The following HBP1 variants were observed in gnomAD, a reference collection of about 807,000 sequenced individuals.
HBP1 encodes the protein HMG box-containing protein 1.
Under a neutral mutation model 62.6 loss-of-function variants are expected in HBP1, and 20 were observed. That is an observed-to-expected ratio of 0.32 (90% confidence interval 0.22 to 0.46). The LOEUF is 0.46. Among genes scored for constraint, HBP1 ranks in the 20% least tolerant of loss-of-function variants. The probability of loss-of-function intolerance (pLI) is 1.00; values close to 1 mark genes in which losing one functional copy is unlikely to be tolerated. For missense variants in HBP1, 480 were observed against 611.8 expected, an observed-to-expected ratio of 0.78 and a Z score of 2.27; for synonymous variants, 232 against 206.2, an observed-to-expected ratio of 1.12 and a Z score of -1.07.
chr7:107,174,776 A>G (rs1796754042), intron 1 of HBP1: 1 of 861,370 alleles, frequency 1.2e-6, no homozygotes, highest in African/African-American at 1.8e-5. Flanking sequence ...CAGTTCAGAT[A>G]AGGTTGACTG....
chr7:107,174,341 G>C (rs946921504), intron 1 of HBP1: 2 of 436,778 alleles, frequency 4.6e-6, no homozygotes, highest in African/African-American at 4.3e-5. Context: ...TGAGAGGTGT[G>C]AACACATAGA....
At position 107,171,073 on chromosome 7, in the gene HBP1, A is replaced by ATTTTTTTT. The variant is rs60734729; in HGVS notation, c.-16+1896_-16+1903dup. Among the ~76,000 whole-genome samples, 337 of 87,190 alleles carry ATTTTTTTT rather than the reference A, an allele frequency of 3.9e-3. 69 individuals are homozygous for ATTTTTTTT. Among genetic ancestry groups the ATTTTTTTT allele is most frequent in the African/African-American group, 0.02 (307 of 15,114 alleles). The allele number at this position is 87,190 out of a possible 152,430, so 57.2% of individuals were successfully genotyped here. ...TATATATATATATATATATATATAT[A>ATTTTTTTT]TTTTTTTTTTTTTTTGAGAGGGAGT... On this transcript the variant is annotated intron_variant, in intron 1 of 10. Transcript: ENST00000222574.
At chr7:107,173,875 A>G (rs940084752) in intron 1 of HBP1, among the ~76,000 whole-genome samples, 2 of 152,352 alleles carry the variant, frequency 1.3e-5, no homozygotes, top group African/African-American at 2.4e-5. Flanking sequence ...CTGATACCAA[A>G]GCAGTATACA....
chr7:107,198,311 G>A (rs929567727), intron 9 of HBP1, among the ~76,000 whole-genome samples: 2 of 151,788 alleles, frequency 1.3e-5, no homozygotes, highest in Non-Finnish European at 2.9e-5. Flanking sequence ...CTAGGTTGAA[G>A]TGATTCTCCT....
At chr7:107,179,426 G>A (rs911685587) in intron 1 of HBP1, among the ~76,000 whole-genome samples, 2 of 152,110 alleles carry the variant, frequency 1.3e-5, no homozygotes, top group Non-Finnish European at 2.9e-5. Flanking sequence ...GGAGTCATCC[G>A]GGTCTAAAGG....
At chr7:107,191,392 T>TA (rs1267949113) in intron 8 of HBP1, among the ~76,000 whole-genome samples, 1 of 152,218 alleles carries the variant, frequency 6.6e-6, no homozygotes, top group African/African-American at 2.4e-5. Flanking sequence ...TGATAACTCC[T>TA]ATGTTTTGGT....
chr7:107,199,111 A>G (rs1458763127), intron 9 of HBP1, among the ~76,000 whole-genome samples: 1 of 152,150 alleles, frequency 6.6e-6, no homozygotes, highest in Non-Finnish European at 1.5e-5. Flanking sequence ...TTTGAGACAG[A>G]GTCTCATTCT....
intron 1 of HBP1, among the ~76,000 whole-genome samples, chr7:107,177,469 T>C (rs1240743434): frequency 6.6e-6 from 1 of 152,220 alleles, no homozygotes; most frequent in African/African-American, 2.4e-5. Context: ...TGCATGCAGT[T>C]GGGCTATGTG....
At chr7:107,200,117 A>G in intron 9 of HBP1, 43 bp from the exon 10 acceptor site, 2 of 1,453,000 alleles carry the variant, frequency 1.4e-6, no homozygotes, top group Non-Finnish European at 1.8e-6. Context: ...GAGATTTATG[A>G]AAAATGTGTG....
chr7:107,170,002 AG>A (rs1400956244), intron 1 of HBP1: 9 of 985,354 alleles, frequency 9.1e-6, no homozygotes, highest in Non-Finnish European at 1.1e-5. Context: ...GTGGACAGCC[AG>A]GTTTTTGTAG....
intron 6 of HBP1, among the ~76,000 whole-genome samples, chr7:107,189,014 C>G (rs1797519601): frequency 6.6e-6 from 1 of 152,146 alleles, no homozygotes; most frequent in South Asian, 2.1e-4. Flanking sequence ...AATCTCAGTT[C>G]CAGTTGGAAT....
intron 8 of HBP1, among the ~76,000 whole-genome samples, chr7:107,194,693 A>ATTTT (rs1224779845): frequency 6.6e-6 from 1 of 152,180 alleles, no homozygotes; most frequent in African/African-American, 2.4e-5. Context: ...ATATTAAACT[A>ATTTT]TTTTGATGTA....
At chr7:107,170,052 C>T (rs561492140) in intron 1 of HBP1, 3 of 985,308 alleles carry the variant, frequency 3.0e-6, no homozygotes, top group African/African-American at 1.7e-5. Flanking sequence ...TTTCACTCTC[C>T]GCTGTGCACT....
intron 1 of HBP1, among the ~76,000 whole-genome samples, chr7:107,172,341 T>G (rs1796639150): frequency 6.6e-6 from 1 of 152,188 alleles, no homozygotes; most frequent in South Asian, 2.1e-4. Context: ...AGTTTTGATT[T>G]CACTTTCTAG....
At chr7:107,194,235 T>C (rs1797783363) in intron 8 of HBP1, among the ~76,000 whole-genome samples, 1 of 152,232 alleles carries the variant, frequency 6.6e-6, no homozygotes, top group Non-Finnish European at 1.5e-5. Context: ...GATGATAAGT[T>C]ATATTTGTGC....
chr7:107,195,622 T>TA (rs1304749261), intron 8 of HBP1, among the ~76,000 whole-genome samples: 3 of 152,132 alleles, frequency 2.0e-5, no homozygotes, highest in Non-Finnish European at 2.9e-5. Context: ...AGAGGTTTTT[T>TA]AAAAAAATTA....
chr7:107,169,811 G>C (rs1440938048), intron 1 of HBP1: 1 of 985,304 alleles, frequency 1.0e-6, no homozygotes, highest in African/African-American at 1.7e-5. Flanking sequence ...TCACATGATG[G>C]GGGGAAGGGA....
At chr7:107,198,130 C>G (rs1002727842) in intron 9 of HBP1, among the ~76,000 whole-genome samples, 2 of 152,014 alleles carry the variant, frequency 1.3e-5, no homozygotes, top group Non-Finnish European at 2.9e-5. Context: ...GGGTGTAAAT[C>G]TCATTTTATC....
intron 1 of HBP1, among the ~76,000 whole-genome samples, chr7:107,171,409 C>T (rs776342575): frequency 1.3e-5 from 2 of 151,818 alleles, no homozygotes; most frequent in African/African-American, 2.4e-5. Context: ...CCTCACTAAT[C>T]GAAGTGGCCA....
Sources: gnomAD v4.1 joint callset for allele counts (sites outside exome capture counted in the v4.1 genomes callset) on GRCh38, gnomAD v4.1.1 for gene constraint, MANE v1.5 for transcripts, NCBI Gene and HGNC (gene_info 2026-07-23, HGNC 2026-07-21) for gene names.